The following ZFP91 variants were observed in gnomAD, a reference collection of about 807,000 sequenced individuals.
ZFP91 encodes the protein E3 ubiquitin-protein ligase ZFP91.
ZFP91 carries 7 observed loss-of-function variants against 63.5 expected under a neutral mutation model. The ratio of observed to expected loss-of-function variants is 0.11; its 90% confidence interval spans 0.06 to 0.21. ZFP91 has a LOEUF of 0.21. Ranked by LOEUF, ZFP91 falls within the 10% of genes least tolerant of loss-of-function variation. The pLI is 1.00. For missense variants in ZFP91, 628 were observed against 736.6 expected (o/e 0.85, Z 1.71); for synonymous variants, 330 against 272.1 (o/e 1.21, Z -2.10).
chr11:58,616,738 A>G lies in ZFP91; in HGVS notation c.1125A>G (p.Glu375=), dbSNP rs1050904042. Residue 375 remains glutamate (E), a synonymous_variant, in exon 10 of 11, where the codon GAA becomes GAG. Transcript: ENST00000316059. ...HHTDQRDYIC[E]YCARAFKSSH... ...TAGATCAAAGGGATTATATCTGTGA[A>G]TATTGTGCTCGGGCCTTCAAGAGTT... is the stretch of plus-strand genomic sequence containing the variant. 1.9e-6 allele frequency: 3 copies of G among 1,613,672 alleles called. No individual in the cohort carries two copies. The highest frequency in any genetic ancestry group is 2.7e-5 in the African/African-American group (2 of 74,904).
intron 2 of ZFP91, among the ~76,000 whole-genome samples, chr11:58,598,556 C>G (rs898115546): frequency 1.3e-5 from 2 of 151,964 alleles, no homozygotes; most frequent in Admixed American, 6.6e-5. Flanking sequence ...GCTTTTTTCT[C>G]TTATTATTTA....
Position 58,579,434 on chromosome 11 carries a change from G to A in ZFP91, c.153G>A (p.Arg51=), listed in dbSNP as rs928368230. 1.0e-4 allele frequency: 147 copies of A among 1,447,034 alleles called. No homozygotes were observed. Among genetic ancestry groups the A allele is most frequent in the Admixed American group, 1.4e-4 (5 of 35,100 alleles). 89.6% of individuals were successfully genotyped at this position (1,447,034 alleles called of 1,614,324 possible). Reference sequence around the variant, plus strand: ...GGACCACTAGCAGCCGCGTGCTGAGGGGAGGTCGGGACCGAGGCCGGGCCG... The same window carrying A: ...GGACCACTAGCAGCCGCGTGCTGAGAGGAGGTCGGGACCGAGGCCGGGCCG... ...PAGTTSSRVL[R]GGRDRGRAAA... The change falls in exon 1 of 11, where the codon AGG becomes AGA. Residue 51 remains arginine, a synonymous_variant. Coordinates refer to ENST00000316059, the MANE Select transcript of ZFP91 (RefSeq NM_053023.5).
chr11:58,590,540 T>C (rs768854481), intron 2 of ZFP91, among the ~76,000 whole-genome samples: 1 of 152,184 alleles, frequency 6.6e-6, no homozygotes, highest in Non-Finnish European at 1.5e-5. Context: ...TGTATTTCTG[T>C]ATATCAGCAA....
At chr11:58,592,079 CT>C (rs34964779) in intron 2 of ZFP91, among the ~76,000 whole-genome samples, 15,720 of 108,402 alleles carry the variant, frequency 0.15, 525 homozygotes, top group Middle Eastern at 0.24. Flanking sequence ...CTGAGCACAT[CT>C]TTTTTTTTTT....
chr11:58,606,730 G>C (rs1855576027), intron 2 of ZFP91, among the ~76,000 whole-genome samples: 1 of 151,730 alleles, frequency 6.6e-6, no homozygotes, highest in South Asian at 2.1e-4. Context: ...GGTCTCTAAA[G>C]GTTCTGGTCC....
chr11:58,617,443 A>T lies in ZFP91; in HGVS notation c.1450A>T (p.Thr484Ser). 6.2e-7 allele frequency: 1 copy of T among 1,614,054 alleles called. No homozygotes were observed. The highest frequency in any genetic ancestry group is 8.5e-7 in the Non-Finnish European group (1 of 1,179,962). Residue 484 changes from threonine (T) to serine (S), a missense_variant, in exon 11 of 11, where the codon ACG becomes TCG. Physicochemically the swap from Thr to Ser is moderately conservative, Grantham distance 58. This residue lies in a region of ZFP91 where 115 missense variants were observed against 125.4 expected (regional missense o/e 0.92). Coordinates refer to ENST00000316059, the MANE Select transcript of ZFP91 (RefSeq NM_053023.5). This position sits in a 1 kb window ranked among gnomAD's most constrained non-coding sequence, Gnocchi z 4.2. The part of the protein sequence containing the change: ...DILGTNPESL[T>S]QPSDGQGLPL... ...CTTGGGCACTAACCCAGAGTCCCTG[A>T]CGCAGCCTTCAGATGGTCAGGGTCT...
At chr11:58,614,200 T>C in intron 8 of ZFP91, 29 bp from the exon 9 acceptor site, 2 of 1,477,418 alleles carry the variant, frequency 1.4e-6, no homozygotes, top group Non-Finnish European at 9.2e-7. Flanking sequence ...ATTTTTTTTT[T>C]TTCGCCCCTT....
At chr11:58,581,785 A>G (rs922680005) in intron 1 of ZFP91, among the ~76,000 whole-genome samples, 21 of 152,294 alleles carry the variant, frequency 1.4e-4, no homozygotes, top group African/African-American at 4.8e-4. Flanking sequence ...AATTCCATAT[A>G]ACTGTTACTG....
At chr11:58,588,589 T>C (rs925582683) in intron 2 of ZFP91, among the ~76,000 whole-genome samples, 5 of 152,164 alleles carry the variant, frequency 3.3e-5, no homozygotes, top group Admixed American at 3.3e-4. Context: ...TATTGAAATA[T>C]CTTTGATTAT....
rs781147615 is a variant in ZFP91, at chr11:58,619,934, T to G, written c.*2228T>G. On this transcript the variant is annotated 3_prime_UTR_variant, in exon 11 of 11. Transcript: ENST00000316059. ...ACACTTAGCTTTTTTGTCACACTTA[T>G]CCTTTGTCTCCGTAAATTTCATTTG... is the stretch of plus-strand genomic sequence containing the variant. 6.6e-6 allele frequency: 1 copy of G among 152,246 alleles called. No homozygotes were observed. The highest frequency in any genetic ancestry group is 2.4e-5 in the African/African-American group (1 of 41,472). 9.4% of individuals were successfully genotyped at this position (152,246 alleles called of 1,614,324 possible).
chr11:58,581,983 C>G (rs1385350144), intron 1 of ZFP91, among the ~76,000 whole-genome samples: 2 of 152,166 alleles, frequency 1.3e-5, no homozygotes, highest in African/African-American at 4.8e-5. Context: ...TGTTTTTGAT[C>G]AGGTTGTTAA....
At chr11:58,594,238 T>C (rs911433769) in intron 2 of ZFP91, among the ~76,000 whole-genome samples, 1 of 152,184 alleles carries the variant, frequency 6.6e-6, no homozygotes, top group South Asian at 2.1e-4. Context: ...GCTGCAGTCA[T>C]GTTTATCTTC....
intron 2 of ZFP91, among the ~76,000 whole-genome samples, chr11:58,607,760 A>G (rs1198223652): frequency 6.6e-6 from 1 of 152,132 alleles, no homozygotes; most frequent in East Asian, 1.9e-4. Flanking sequence ...TGTCTTTTTT[A>G]TACATTTAAC....
chr11:58,608,038 C>T (rs1319835605), intron 2 of ZFP91, among the ~76,000 whole-genome samples: 3 of 151,760 alleles, frequency 2.0e-5, no homozygotes, highest in African/African-American at 7.3e-5. Flanking sequence ...TCTTGTACTT[C>T]TTCCAGAAAT....
At chr11:58,608,999 ATTTTG>A (rs769120589) in intron 2 of ZFP91, among the ~76,000 whole-genome samples, 1 of 152,098 alleles carries the variant, frequency 6.6e-6, no homozygotes, top group Non-Finnish European at 1.5e-5. Context: ...ATGACCTGAA[ATTTTG>A]TTTTATTATT....
chr11:58,590,971 G>T (rs758044747), intron 2 of ZFP91, among the ~76,000 whole-genome samples: 5 of 151,234 alleles, frequency 3.3e-5, no homozygotes, highest in Non-Finnish European at 7.4e-5. Context: ...TGTACCATAC[G>T]TATACAGAAA....
intron 5 of ZFP91, chr11:58,611,283 G>A (rs1030812558): frequency 2.1e-6 from 1 of 476,030 alleles, no homozygotes; most frequent in Admixed American, 3.8e-5. Context: ...TTATGAGTCT[G>A]CATGTTTTAT....
Position 58,610,044 on chromosome 11 carries a change from A to T in ZFP91, c.580+5A>T. The T allele has an allele frequency of 6.2e-7, 1 of 1,613,976 alleles. No individual in the cohort carries two copies. The highest frequency in any genetic ancestry group is 8.5e-7 in the Non-Finnish European group (1 of 1,179,844). ...ATACAGACCAACTTGATTATGGTAC[A>T]GTGCAACTAGAATATGGCTGTTTAC... On this transcript the variant is annotated splice_donor_5th_base_variant and intron_variant, in intron 3 of 10. Transcript: ENST00000316059.
chr11:58,589,958 C>T (rs1855276647), intron 2 of ZFP91, among the ~76,000 whole-genome samples: 1 of 152,138 alleles, frequency 6.6e-6, no homozygotes, highest in Non-Finnish European at 1.5e-5. Context: ...AATAATTTGC[C>T]TATTACAGCT....
Sources: allele counts gnomAD v4.1 joint callset (sites outside exome capture counted in the v4.1 genomes callset), GRCh38; gene constraint gnomAD v4.1.1; regional missense constraint gnomAD v4.1.1; non-coding constraint Gnocchi (gnomAD v3.1); transcripts MANE v1.5; gene names NCBI Gene and HGNC (gene_info 2026-07-23, HGNC 2026-07-21).